Variants in STRBP observed in about 807,000 individuals in gnomAD.
The protein encoded by STRBP is spermatid perinuclear RNA-binding protein.
Under a neutral mutation model 80.1 loss-of-function variants are expected in STRBP, and 13 were observed. The ratio of observed to expected loss-of-function variants is 0.16; its 90% CI spans 0.11 to 0.26. STRBP has a LOEUF of 0.26. Among genes scored for constraint, STRBP ranks in the 10% least tolerant of loss-of-function variants. The pLI, the probability that STRBP is intolerant of heterozygous loss-of-function variation, is 1.00. For synonymous variants in STRBP, 284 were observed against 291.2 expected, an observed-to-expected ratio of 0.98 and a Z score of 0.25; for missense variants, 485 against 815.2, an observed-to-expected ratio of 0.59 and a Z score of 4.93.
At chr9:123,170,321 G>A (rs1302674493) in intron 5 of STRBP, among the ~76,000 whole-genome samples, 1 of 152,156 alleles carries the variant, frequency 6.6e-6, no homozygotes, top group African/African-American at 2.4e-5. Flanking sequence ...TCTAATATTT[G>A]AAAGTAAAAT....
At chr9:123,254,642 T>C (rs779305274) in intron 1 of STRBP, among the ~76,000 whole-genome samples, 1 of 152,072 alleles carries the variant, frequency 6.6e-6, no homozygotes, top group Non-Finnish European at 1.5e-5. Flanking sequence ...ACCAATCATG[T>C]GAAATAAAAT....
chr9:123,155,056 G>A (rs747651133), intron 11 of STRBP, among the ~76,000 whole-genome samples: 3 of 152,198 alleles, frequency 2.0e-5, no homozygotes, highest in Non-Finnish European at 4.4e-5. Context: ...GGATGTGATA[G>A]TGGGTAAGTA....
In STRBP at chr9:123,122,440, TAAAA is replaced by T. The variant is rs59308998; in HGVS notation, c.*3153_*3156del. ...TGATTTTCAAACATTCACCCAAAAT[TAAAA>T]AAAAAAAAAAAAAGAAAAGGCCAAT... On this transcript the variant is annotated 3_prime_UTR_variant, in exon 19 of 19. Transcript: ENST00000348403. 5.2e-4 allele frequency: 546 copies of T among 1,058,898 alleles called. No individual in the cohort carries two copies. Among genetic ancestry groups the T allele is most frequent in the South Asian group, 2.0e-3 (98 of 48,976 alleles). 65.6% of individuals were successfully genotyped at this position (1,058,898 alleles called of 1,614,324 possible).
At chr9:123,255,069 ATTTT>A (rs764735046) in intron 1 of STRBP, among the ~76,000 whole-genome samples, 2 of 152,156 alleles carry the variant, frequency 1.3e-5, no homozygotes, top group African/African-American at 2.4e-5. Flanking sequence ...TTTGCAAATA[ATTTT>A]TTTGTCTATC....
At chr9:123,183,032 A>AC (rs200497524) in intron 3 of STRBP, among the ~76,000 whole-genome samples, 38,875 of 143,944 alleles carry the variant, frequency 0.27, 8,142 homozygotes, top group East Asian at 0.6. Flanking sequence ...AAAAAAAAAA[A>AC]AAAAAACAAA....
intron 4 of STRBP, among the ~76,000 whole-genome samples, chr9:123,175,829 T>C (rs2038195497): frequency 6.6e-6 from 1 of 152,338 alleles, no homozygotes; most frequent in South Asian, 2.1e-4. Context: ...AAGTACTGTA[T>C]ACAGCAACCA....
At chr9:123,134,092 G>C (rs1053197233) in intron 16 of STRBP, among the ~76,000 whole-genome samples, 1 of 152,142 alleles carries the variant, frequency 6.6e-6, no homozygotes, top group Non-Finnish European at 1.5e-5. Flanking sequence ...GGGAGTAACA[G>C]TAAACAGGAC....
chr9:123,197,977 T>A (rs190648758), intron 2 of STRBP, among the ~76,000 whole-genome samples: 4 of 152,094 alleles, frequency 2.6e-5, no homozygotes, highest in Non-Finnish European at 4.4e-5. Context: ...CCTGGCTCTG[T>A]CTTTTTAATA....
intron 3 of STRBP, chr9:123,109,893 A>G (rs543146216): frequency 3.9e-5 from 6 of 152,350 alleles, no homozygotes; most frequent in Admixed American, 2.0e-4. Flanking sequence ...AAATTATACT[A>G]TTTACACTTG....
intron 2 of STRBP, among the ~76,000 whole-genome samples, chr9:123,217,442 A>G (rs1472935190): frequency 1.3e-5 from 2 of 152,240 alleles, no homozygotes; most frequent in African/African-American, 4.8e-5. Context: ...AAATAATGAG[A>G]CAGTATTTAA....
At chr9:123,250,849 G>A (rs1381011044) in intron 1 of STRBP, among the ~76,000 whole-genome samples, 1 of 152,150 alleles carries the variant, frequency 6.6e-6, no homozygotes, top group Admixed American at 6.5e-5. Flanking sequence ...TGGCTACAGT[G>A]GCTCACACCT....
intron 1 of STRBP, among the ~76,000 whole-genome samples, chr9:123,257,669 T>C (rs1050119303): frequency 6.6e-6 from 1 of 152,098 alleles, no homozygotes; most frequent in African/African-American, 2.4e-5. Flanking sequence ...TTGTTTTTAA[T>C]TAGCCAGGCA....
Position 123,123,718 on chromosome 9 carries a change from A to G in STRBP, c.*1879T>C. On this transcript the variant is annotated 3_prime_UTR_variant, in exon 19 of 19. Transcript: ENST00000348403. ...ACGTGGAATCCAAATTTGATGACCA[A>G]TTTCAAATAACAATACAGCCGCAGC... The G allele has an allele frequency of 1.0e-6, 1 of 985,380 alleles. No homozygotes were observed. Among genetic ancestry groups the G allele is most frequent in the East Asian group, 1.1e-4 (1 of 8,810 alleles). The allele number at this position is 985,380 out of a possible 1,614,324, so 61.0% of individuals were successfully genotyped here. A position where few individuals can be genotyped will look rare whatever the true frequency, so the allele number is the denominator to read the frequency against.
At chr9:123,158,635 C>T (rs143230970) in intron 9 of STRBP, among the ~76,000 whole-genome samples, 75 of 152,230 alleles carry the variant, frequency 4.9e-4, no homozygotes, top group Non-Finnish European at 9.6e-4. Flanking sequence ...TTATTTTATA[C>T]TGGAAGTCAC....
intron 11 of STRBP, among the ~76,000 whole-genome samples, chr9:123,149,072 TAA>T (rs2036944820): frequency 6.6e-6 from 1 of 152,218 alleles, no homozygotes; most frequent in Non-Finnish European, 1.5e-5. Flanking sequence ...GTCTTCACTT[TAA>T]AAGTTAGTTG....
intron 13 of STRBP, among the ~76,000 whole-genome samples, chr9:123,142,204 G>A (rs747009644): frequency 6.6e-6 from 1 of 152,184 alleles, no homozygotes; most frequent in Non-Finnish European, 1.5e-5. Flanking sequence ...GATCATAGGG[G>A]CAGTTTCTAA....
At chr9:123,152,236 T>C (rs865965616) in intron 11 of STRBP, among the ~76,000 whole-genome samples, 4 of 152,002 alleles carry the variant, frequency 2.6e-5, no homozygotes, top group Admixed American at 1.3e-4. Flanking sequence ...AACATCAAAT[T>C]TATGCAAACT....
At position 123,184,146 on chromosome 9, in the gene STRBP, G is replaced by C. The variant is rs773981720; in HGVS notation, c.-12C>G. The C allele has an allele frequency of 6.2e-7, 1 of 1,608,308 alleles. No individual in the cohort carries two copies. Among genetic ancestry groups the C allele is most frequent in the Admixed American group, 1.7e-5 (1 of 59,472 alleles). On this transcript the variant is annotated 5_prime_UTR_variant, in exon 3 of 19. It introduces an in-frame stop codon into an upstream open reading frame of the 5' UTR. Coordinates refer to ENST00000348403, the MANE Select transcript of STRBP (RefSeq NM_018387.5). ...CAATAACCTACCATGGTTTTCTATA[G>C]TATTTTAGCTTCTTTTTCCGATCCT...
At chr9:123,255,421 A>G (rs1221094371) in intron 1 of STRBP, among the ~76,000 whole-genome samples, 1 of 152,200 alleles carries the variant, frequency 6.6e-6, no homozygotes, top group Non-Finnish European at 1.5e-5. Flanking sequence ...GGAACACTCA[A>G]CTGCTCATCT....
Sources: allele counts gnomAD v4.1 joint callset (sites outside exome capture counted in the v4.1 genomes callset), GRCh38; gene constraint gnomAD v4.1.1; transcripts MANE v1.5; gene names NCBI Gene and HGNC (gene_info 2026-07-23, HGNC 2026-07-21).